Variants in MACROD2 observed in about 807,000 individuals in gnomAD.
The protein encoded by MACROD2 is mono-ADP ribosylhydrolase 2.
A neutral mutation model predicts 70.4 loss-of-function variants in MACROD2; 36 were observed. The ratio of observed to expected loss-of-function variants is 0.51; its 90% confidence interval spans 0.39 to 0.68. The LOEUF is 0.68. Among genes scored for constraint, MACROD2 ranks in the 30% least tolerant of loss-of-function variants. The pLI is 0.00. For missense variants in MACROD2, 496 were observed against 538.4 expected (o/e 0.92, Z 0.78); for synonymous variants, 172 against 178.8 (o/e 0.96, Z 0.30).
At chr20:15,167,183 A>G (rs1023625215) in intron 5 of MACROD2, among the ~76,000 whole-genome samples, 2 of 152,160 alleles carry the variant, frequency 1.3e-5, no homozygotes, top group African/African-American at 4.8e-5. Flanking sequence ...AAAAAAGTGT[A>G]AACAGTCTTT....
chr20:15,699,448 C>A (rs1384888926), intron 8 of MACROD2, among the ~76,000 whole-genome samples: 1 of 152,154 alleles, frequency 6.6e-6, no homozygotes, highest in East Asian at 1.9e-4. Context: ...CTCTCAGCCA[C>A]GGATACCAGC....
At chr20:16,000,565 T>G (rs2066696019) in intron 15 of MACROD2, among the ~76,000 whole-genome samples, 1 of 152,236 alleles carries the variant, frequency 6.6e-6, no homozygotes, top group East Asian at 1.9e-4. Flanking sequence ...TGTTTGGCTC[T>G]TTCTCTCTTA....
At chr20:15,920,213 A>G (rs566956297) in intron 10 of MACROD2, among the ~76,000 whole-genome samples, 6 of 152,340 alleles carry the variant, frequency 3.9e-5, no homozygotes, top group African/African-American at 1.2e-4. Context: ...ATCACAAAAT[A>G]TATGCAGAAA....
intron 3 of MACROD2, among the ~76,000 whole-genome samples, chr20:14,281,234 T>G (rs1601431361): frequency 6.6e-6 from 1 of 152,170 alleles, no homozygotes; most frequent in Non-Finnish European, 1.5e-5. Flanking sequence ...ATGGAATTAT[T>G]TGCCCATAAA....
intron 5 of MACROD2, among the ~76,000 whole-genome samples, chr20:15,133,846 T>C (rs1272933094): frequency 6.6e-6 from 1 of 151,934 alleles, no homozygotes; most frequent in African/African-American, 2.4e-5. Flanking sequence ...AAATTAACTG[T>C]TTTTACTGAA....
chr20:14,264,429 C>A (rs1426934132), intron 3 of MACROD2, among the ~76,000 whole-genome samples: 1 of 152,046 alleles, frequency 6.6e-6, no homozygotes, highest in African/African-American at 2.4e-5. Flanking sequence ...AACTTGCATA[C>A]TAGGTAATTG....
At chr20:14,689,975 C>G (rs1265471788) in intron 5 of MACROD2, among the ~76,000 whole-genome samples, 1 of 151,704 alleles carries the variant, frequency 6.6e-6, no homozygotes, top group Non-Finnish European at 1.5e-5. Context: ...ATTATGAAAT[C>G]AGTGTCAATT....
At chr20:14,606,695 G>T (rs1300653710) in intron 4 of MACROD2, among the ~76,000 whole-genome samples, 2 of 152,070 alleles carry the variant, frequency 1.3e-5, no homozygotes, top group Non-Finnish European at 2.9e-5. Flanking sequence ...AACCTATCCA[G>T]AAACTCCTAA....
chr20:14,521,317 T>C (rs1481148903), intron 4 of MACROD2, among the ~76,000 whole-genome samples: 3 of 152,176 alleles, frequency 2.0e-5, no homozygotes. Context: ...GTCTCCAGTA[T>C]TTGAAAATTC....
intron 8 of MACROD2, among the ~76,000 whole-genome samples, chr20:15,826,115 T>C (rs2063994625): frequency 6.6e-6 from 1 of 152,214 alleles, no homozygotes; most frequent in Non-Finnish European, 1.5e-5. Context: ...AATATAAAAC[T>C]TTGATCATAA....
intron 5 of MACROD2, among the ~76,000 whole-genome samples, chr20:14,949,129 G>A (rs891193818): frequency 6.6e-6 from 1 of 152,074 alleles, no homozygotes; most frequent in Non-Finnish European, 1.5e-5. Flanking sequence ...TAGCGATTTG[G>A]CTTTTCTCTG....
intron 15 of MACROD2, among the ~76,000 whole-genome samples, chr20:16,007,815 C>T (rs188318396): frequency 6.6e-6 from 1 of 152,192 alleles, no homozygotes. Flanking sequence ...GGGGCTGTGG[C>T]TAACAGAGTA....
At chr20:15,383,402 C>G (rs769940733) in intron 6 of MACROD2, among the ~76,000 whole-genome samples, 1 of 152,152 alleles carries the variant, frequency 6.6e-6, no homozygotes, top group Non-Finnish European at 1.5e-5. Flanking sequence ...TTGCATGACT[C>G]AAGTGGGTCA....
At chr20:15,809,164 C>T (rs564769744) in intron 8 of MACROD2, among the ~76,000 whole-genome samples, 2 of 152,138 alleles carry the variant, frequency 1.3e-5, no homozygotes, top group East Asian at 3.9e-4. Context: ...TTTTAAAATC[C>T]CAAAGTAGAT....
chr20:14,197,319 G>T (rs2081440503), intron 3 of MACROD2, among the ~76,000 whole-genome samples: 1 of 152,160 alleles, frequency 6.6e-6, no homozygotes, highest in South Asian at 2.1e-4. Flanking sequence ...CTATGCTGTG[G>T]TTAATTGATA....
chr20:15,456,113 A>G (rs1443515493), intron 7 of MACROD2, among the ~76,000 whole-genome samples: 1 of 152,164 alleles, frequency 6.6e-6, no homozygotes, highest in Non-Finnish European at 1.5e-5. Context: ...TGCTGGGACA[A>G]CTGGAAACCT....
chr20:15,269,233 C>T (rs1289255865), intron 6 of MACROD2, among the ~76,000 whole-genome samples: 1 of 152,246 alleles, frequency 6.6e-6, no homozygotes, highest in South Asian at 2.1e-4. Flanking sequence ...ATGACCCTTC[C>T]TCATGCAGAT....
At chr20:15,176,547 T>G (rs1328204507) in intron 5 of MACROD2, among the ~76,000 whole-genome samples, 1 of 152,158 alleles carries the variant, frequency 6.6e-6, no homozygotes, top group Non-Finnish European at 1.5e-5. Flanking sequence ...GTCTCCTCTC[T>G]GCTGAGAGCT....
chr20:14,901,765 G>A (rs2073897509), intron 5 of MACROD2, among the ~76,000 whole-genome samples: 1 of 152,090 alleles, frequency 6.6e-6, no homozygotes, highest in South Asian at 2.1e-4. Flanking sequence ...CTAATTGCCT[G>A]GAATAGTTTC....
Sources: gnomAD v4.1 joint callset for allele counts (sites outside exome capture counted in the v4.1 genomes callset) on GRCh38, gnomAD v4.1.1 for gene constraint, MANE v1.5 for transcripts, NCBI Gene and HGNC (gene_info 2026-07-23, HGNC 2026-07-21) for gene names.